BLNK: variants seen among roughly 807,000 people sequenced by gnomAD.
BLNK encodes the protein B cell linker, also known as B-cell linker protein.
In BLNK, 29 loss-of-function variants were observed where a neutral mutation model predicts 73.5. That is an observed-to-expected ratio of 0.39 (90% CI 0.29 to 0.54). BLNK has a LOEUF of 0.54. Among genes scored for constraint, BLNK ranks in the 20% least tolerant of loss-of-function variants. The pLI, the probability that BLNK is intolerant of heterozygous loss-of-function variation, is 0.61. For missense variants in BLNK, 460 were observed against 562.8 expected, an observed-to-expected ratio of 0.82 and a Z score of 1.85; for synonymous variants, 176 against 200.8, an observed-to-expected ratio of 0.88 and a Z score of 1.04.
chr10:96,247,319 C>T (rs1360427028), intron 1 of BLNK, among the ~76,000 whole-genome samples: 1 of 152,204 alleles, frequency 6.6e-6, no homozygotes, highest in Non-Finnish European at 1.5e-5. Context: ...GAAAGATATT[C>T]TGATTCCTTG....
intron 1 of BLNK, among the ~76,000 whole-genome samples, chr10:96,250,995 C>A (rs1226510916): frequency 6.6e-6 from 1 of 152,196 alleles, no homozygotes; most frequent in Non-Finnish European, 1.5e-5. Flanking sequence ...AAACCCATCA[C>A]CTCACCTCAA....
chr10:96,267,911 G>T (rs902828298), intron 1 of BLNK, among the ~76,000 whole-genome samples: 1 of 152,160 alleles, frequency 6.6e-6, no homozygotes, highest in African/African-American at 2.4e-5. Flanking sequence ...ATCACTATGT[G>T]CCAGTTGCTT....
At chr10:96,214,858 G>A (rs2133996630) in intron 8 of BLNK, among the ~76,000 whole-genome samples, 1 of 152,278 alleles carries the variant, frequency 6.6e-6, no homozygotes, top group Middle Eastern at 3.4e-3. Context: ...TCACAGAGTA[G>A]GGGCTATGAG....
At chr10:96,234,858 G>A (rs1842639985) in intron 3 of BLNK, among the ~76,000 whole-genome samples, 1 of 152,212 alleles carries the variant, frequency 6.6e-6, no homozygotes, top group Admixed American at 6.5e-5. Flanking sequence ...AGCTTCATGT[G>A]GGCCAGGTGG....
Position 96,209,864 on chromosome 10 carries a change from A to G in BLNK, c.720T>C (p.Ala240=), listed in dbSNP as rs782648532. ...GAWETKSPPP[A]APSPLPRAGK... ...CGGCCCGTGGCAACGGGGATGGTGC[A>G]GCTGGTGGAGGTGACTTGGTTTCCC... The change falls in exon 9 of 17, where the codon GCT becomes GCC. Residue 240 remains alanine (A), a synonymous_variant. Coordinates refer to ENST00000224337, the MANE Select transcript of BLNK (RefSeq NM_013314.4). 1 of 1,614,220 alleles carries G rather than the reference A, an allele frequency of 6.2e-7. No homozygotes were observed. The highest frequency in any genetic ancestry group is 8.5e-7 in the Non-Finnish European group (1 of 1,180,028).
At position 96,200,484 on chromosome 10, in the gene BLNK, A is replaced by G. The variant is rs1554895859; in HGVS notation, c.1012-326T>C. ...TACAATTTCCAAAGCATTTTTACAAATATTATTTTATTTGATTCTTGCAAG... is the reference window on the plus strand; with the variant it reads ...TACAATTTCCAAAGCATTTTTACAAGTATTATTTTATTTGATTCTTGCAAG... On this transcript the variant is annotated intron_variant, in intron 14 of 16. Transcript: ENST00000224337. The surrounding 1 kb of genome is among the most constrained non-coding windows in gnomAD (Gnocchi z 4.3). Among the ~76,000 whole-genome samples, 1 of 152,134 alleles carries G rather than the reference A, an allele frequency of 6.6e-6. No individual in the cohort carries two copies. The highest frequency in any genetic ancestry group is 1.5e-5 in the Non-Finnish European group (1 of 68,044).
In BLNK at chr10:96,190,258, C is replaced by T. The variant is rs73320962; in HGVS notation, c.*1715G>A. On this transcript the variant is annotated 3_prime_UTR_variant, in exon 17 of 17. Transcript: ENST00000224337. Reference sequence around the variant, plus strand: ...ACACTTAGGTGGGAGAGAAAGCAGACGGAGATAAACGACCACTGCTCAAGA... The same window carrying T: ...ACACTTAGGTGGGAGAGAAAGCAGATGGAGATAAACGACCACTGCTCAAGA... 30,351 of 720,186 alleles carry T rather than the reference C, an allele frequency of 0.042. 1,427 individuals carry two copies. Among genetic ancestry groups the T allele is most frequent in the African/African-American group, 0.18 (10,674 of 58,200 alleles). The allele number at this position is 720,186 out of a possible 1,614,324, so 44.6% of individuals were successfully genotyped here.
intron 3 of BLNK, among the ~76,000 whole-genome samples, chr10:96,236,279 A>G (rs11813811): frequency 0.14 from 21,875 of 152,124 alleles, 1,706 homozygotes; most frequent in South Asian, 0.31. Flanking sequence ...GGTGGCATGC[A>G]GGGAGCCAGT....
intron 3 of BLNK, 65 bp downstream of exon 3, chr10:96,242,670 C>G: frequency 7.0e-7 from 1 of 1,434,728 alleles, no homozygotes. Context: ...TTTCCATAAG[C>G]CTAAATGTAA....
intron 6 of BLNK, among the ~76,000 whole-genome samples, chr10:96,222,219 G>T (rs1554901301): frequency 6.6e-6 from 1 of 152,072 alleles, no homozygotes; most frequent in Non-Finnish European, 1.5e-5. Flanking sequence ...CACCTAGAAG[G>T]GCCAAAGCAG....
chr10:96,266,278 G>T (rs533080356), intron 1 of BLNK, among the ~76,000 whole-genome samples: 4 of 152,296 alleles, frequency 2.6e-5, no homozygotes, highest in South Asian at 2.1e-4. Flanking sequence ...AGGAGGCAGG[G>T]CTGGAAAATA....
At chr10:96,262,924 A>T (rs782275582) in intron 1 of BLNK, among the ~76,000 whole-genome samples, 6 of 152,310 alleles carry the variant, frequency 3.9e-5, no homozygotes, top group Admixed American at 1.3e-4. Flanking sequence ...GCAGACATGG[A>T]GGGGTCGTCT....
chr10:96,195,065 G>T (rs1027909276), intron 16 of BLNK, among the ~76,000 whole-genome samples: 2 of 152,000 alleles, frequency 1.3e-5, no homozygotes, highest in Admixed American at 6.6e-5. Flanking sequence ...CACCGCGCCC[G>T]GCCAGAGAAA....
chr10:96,249,892 C>T (rs1480580700), intron 1 of BLNK, among the ~76,000 whole-genome samples: 1 of 152,104 alleles, frequency 6.6e-6, no homozygotes, highest in Non-Finnish European at 1.5e-5. Flanking sequence ...GTTCCACTGG[C>T]ATGGAAGGGT....
At chr10:96,198,268 G>A (rs2083526671) in intron 15 of BLNK, among the ~76,000 whole-genome samples, 1 of 152,082 alleles carries the variant, frequency 6.6e-6, no homozygotes, top group Non-Finnish European at 1.5e-5. Flanking sequence ...AGTGATGGGA[G>A]AAAAAATGAC....
At chr10:96,271,002 C>A (rs574829163) in intron 1 of BLNK, among the ~76,000 whole-genome samples, 88 of 152,272 alleles carry the variant, frequency 5.8e-4, no homozygotes, top group African/African-American at 2.0e-3. Context: ...TTTAGAGAAA[C>A]CCTTCCTTAG....
chr10:96,271,320 TGAA>T, intron 1 of BLNK, 29 bp downstream of exon 1: 1 of 1,610,158 alleles, frequency 6.2e-7, no homozygotes, highest in South Asian at 1.1e-5. Context: ...AAAAAGGAGA[TGAA>T]GAAGGGTATT....
intron 2 of BLNK, among the ~76,000 whole-genome samples, chr10:96,244,477 C>T (rs1554907107): frequency 1.3e-5 from 2 of 152,216 alleles, no homozygotes; most frequent in African/African-American, 4.8e-5. Context: ...CTGTAGCTGG[C>T]TGCTGTGCAC....
At chr10:96,255,424 A>C (rs767134642) in intron 1 of BLNK, among the ~76,000 whole-genome samples, 2 of 152,232 alleles carry the variant, frequency 1.3e-5, no homozygotes, top group African/African-American at 2.4e-5. Context: ...TAAGATCATA[A>C]AACATCTTGT....
Sources: gnomAD v4.1 joint callset for allele counts (sites outside exome capture counted in the v4.1 genomes callset) on GRCh38, gnomAD v4.1.1 for gene constraint, Gnocchi (gnomAD v3.1) non-coding constraint, MANE v1.5 for transcripts, NCBI Gene and HGNC (gene_info 2026-07-23, HGNC 2026-07-21) for gene names.